Variants in BICD1 observed in about 807,000 individuals in gnomAD.
BICD1 encodes protein bicaudal D homolog 1.
BICD1 carries 35 observed loss-of-function variants against 92.5 expected under a neutral mutation model. The ratio of observed to expected loss-of-function variants is 0.38; its 90% confidence interval spans 0.29 to 0.50. The LOEUF (loss-of-function observed/expected upper bound fraction) is 0.50. Ranked by LOEUF, BICD1 falls within the 20% of genes least tolerant of loss-of-function variation. The pLI, the probability that BICD1 is intolerant of heterozygous loss-of-function variation, is 0.93. For synonymous variants in BICD1, 429 were observed against 465.1 expected (o/e 0.92, Z 1.00); for missense variants, 950 against 1,189.8 (o/e 0.80, Z 2.97).
intron 1 of BICD1, among the ~76,000 whole-genome samples, chr12:32,118,890 C>T (rs892141614): frequency 2.6e-5 from 4 of 152,186 alleles, no homozygotes; most frequent in Admixed American, 6.5e-5. Flanking sequence ...GGAGATACAG[C>T]GTTGAACAAG....
At chr12:32,110,982 TATA>T (rs891524861) in intron 1 of BICD1, among the ~76,000 whole-genome samples, 44 of 150,402 alleles carry the variant, frequency 2.9e-4, no homozygotes, top group African/African-American at 1.0e-3. Flanking sequence ...AAACTTAAAG[TATA>T]ATAATAAAAA....
At chr12:32,142,844 T>C (rs540524070) in intron 1 of BICD1, among the ~76,000 whole-genome samples, 1 of 152,372 alleles carries the variant, frequency 6.6e-6, no homozygotes, top group African/African-American at 2.4e-5. Flanking sequence ...GTGGACTTTA[T>C]GAAATCTTGC....
chr12:32,179,242 C>T (rs1458108266), intron 1 of BICD1, among the ~76,000 whole-genome samples: 3 of 151,860 alleles, frequency 2.0e-5, no homozygotes, highest in Non-Finnish European at 2.9e-5. Context: ...CAGCAGGCCC[C>T]GCCGCAAGTG....
At chr12:32,357,987 A>C (rs551365504) in intron 8 of BICD1, among the ~76,000 whole-genome samples, 5 of 152,280 alleles carry the variant, frequency 3.3e-5, no homozygotes, top group Admixed American at 1.3e-4. Flanking sequence ...CCTGGGCACA[A>C]GTTCTCACTC....
At chr12:32,372,493 A>C (rs916808113) in intron 9 of BICD1, among the ~76,000 whole-genome samples, 1 of 152,132 alleles carries the variant, frequency 6.6e-6, no homozygotes, top group Non-Finnish European at 1.5e-5. Context: ...AAAAAAAATT[A>C]TTTTGTACTT....
At chr12:32,310,042 G>A (rs1472822771) in intron 4 of BICD1, among the ~76,000 whole-genome samples, 1 of 152,164 alleles carries the variant, frequency 6.6e-6, no homozygotes, top group Non-Finnish European at 1.5e-5. Flanking sequence ...TTAGCTAACA[G>A]CTCATGACAG....
intron 1 of BICD1, among the ~76,000 whole-genome samples, chr12:32,215,843 A>G (rs1230634085): frequency 6.7e-6 from 1 of 149,440 alleles, no homozygotes; most frequent in African/African-American, 2.4e-5. Context: ...AGTCCCAGCT[A>G]CTCGGGAGGC....
chr12:32,228,675 C>T (rs1945780527), intron 2 of BICD1, among the ~76,000 whole-genome samples: 1 of 151,760 alleles, frequency 6.6e-6, no homozygotes. Context: ...TGAGAGTAGC[C>T]CCAATGGGAT....
intron 8 of BICD1, among the ~76,000 whole-genome samples, chr12:32,359,107 G>A (rs1438167234): frequency 6.6e-6 from 1 of 151,650 alleles, no homozygotes; most frequent in Non-Finnish European, 1.5e-5. Flanking sequence ...GTTGATTTTA[G>A]GACAATCTAT....
chr12:32,360,721 G>T (rs1419702871), intron 8 of BICD1, among the ~76,000 whole-genome samples: 1 of 151,872 alleles, frequency 6.6e-6, no homozygotes, highest in African/African-American at 2.4e-5. Flanking sequence ...AATGATATGT[G>T]CAAAGGGTCC....
intron 1 of BICD1, among the ~76,000 whole-genome samples, chr12:32,167,816 C>A (rs1409629600): frequency 1.3e-5 from 2 of 152,148 alleles, no homozygotes; most frequent in Non-Finnish European, 2.9e-5. Flanking sequence ...GAGGGAAACC[C>A]AGAAACAGCT....
At chr12:32,281,962 A>T (rs1254550271) in intron 2 of BICD1, among the ~76,000 whole-genome samples, 1 of 152,206 alleles carries the variant, frequency 6.6e-6, no homozygotes, top group African/African-American at 2.4e-5. Flanking sequence ...GGGGAAAGAT[A>T]GCCAATAAAC....
intron 9 of BICD1, among the ~76,000 whole-genome samples, chr12:32,372,438 C>T (rs1939775175): frequency 6.6e-6 from 1 of 152,092 alleles, no homozygotes; most frequent in Non-Finnish European, 1.5e-5. Context: ...CAAGATCACG[C>T]TTGGACAACT....
In BICD1 at chr12:32,313,059, T is replaced by C. The variant is rs1375083631; in HGVS notation, c.1005+6937T>C. Among the ~76,000 whole-genome samples the C allele has an allele frequency of 6.6e-6, 1 of 152,136 alleles. No homozygotes were observed. Among genetic ancestry groups the C allele is most frequent in the East Asian group, 1.9e-4 (1 of 5,194 alleles). ...TGCTGAAATTTCTGTCTTTGATAAA[T>C]AGCCTCTAACTTTACATCTGCATAG... is the stretch of plus-strand genomic sequence containing the variant. On this transcript the variant is annotated intron_variant, in intron 4 of 9. Coordinates refer to ENST00000652176, the MANE Select transcript of BICD1 (RefSeq NM_001714.4). This position sits in a 1 kb window ranked among gnomAD's most constrained non-coding sequence, Gnocchi z 4.2.
intron 3 of BICD1, among the ~76,000 whole-genome samples, chr12:32,298,943 A>G (rs1371513412): frequency 6.6e-6 from 1 of 151,392 alleles, no homozygotes; most frequent in African/African-American, 2.4e-5. Flanking sequence ...CAGTTGTTTT[A>G]TTTCATTTAA....
rs183537774 is a variant in BICD1, at chr12:32,311,558, C to T, written c.1005+5436C>T. Reference sequence around the variant, plus strand: ...TTCAGAAAGGTGGGACAGCTCACAGCGGGGGCTTCCAGGCTATAGGTAAAT... The same window carrying T: ...TTCAGAAAGGTGGGACAGCTCACAGTGGGGGCTTCCAGGCTATAGGTAAAT... On this transcript the variant is annotated intron_variant, in intron 4 of 9. Coordinates refer to ENST00000652176, the MANE Select transcript of BICD1 (RefSeq NM_001714.4). Among the ~76,000 whole-genome samples, 131 of 152,212 alleles carry T rather than the reference C, an allele frequency of 8.6e-4. 1 individual carries two copies. Among genetic ancestry groups the T allele is most frequent in the Non-Finnish European group, 1.2e-3 (79 of 68,002 alleles).
At chr12:32,185,762 A>C (rs1944409156) in intron 1 of BICD1, among the ~76,000 whole-genome samples, 1 of 152,184 alleles carries the variant, frequency 6.6e-6, no homozygotes, top group South Asian at 2.1e-4. Flanking sequence ...CAGTTAACAA[A>C]ATCTTGAGAC....
chr12:32,232,456 T>C (rs1269773851), intron 2 of BICD1, among the ~76,000 whole-genome samples: 2 of 151,690 alleles, frequency 1.3e-5, no homozygotes, highest in Non-Finnish European at 2.9e-5. Context: ...TCTTGTAAAT[T>C]TGTTTGAGTT....
At chr12:32,346,579 T>TACACACACAC (rs1938604583) in intron 8 of BICD1, among the ~76,000 whole-genome samples, 1 of 22,554 alleles carries the variant, frequency 4.4e-5, no homozygotes, top group African/African-American at 3.0e-4. Context: ...TATATATATA[T>TACACACACAC]ATACGTGTAT....
Sources: allele counts gnomAD v4.1 joint callset (sites outside exome capture counted in the v4.1 genomes callset), GRCh38; gene constraint gnomAD v4.1.1; non-coding constraint Gnocchi (gnomAD v3.1); transcripts MANE v1.5; gene names NCBI Gene and HGNC (gene_info 2026-07-23, HGNC 2026-07-21).